SMURF1: variants seen among roughly 807,000 people sequenced by gnomAD.
The protein encoded by SMURF1 is SMAD specific E3 ubiquitin protein ligase 1.
SMURF1 carries 44 observed loss-of-function variants against 98.0 expected under a neutral mutation model. The ratio of observed to expected loss-of-function variants is 0.45; its 90% CI spans 0.35 to 0.58. The LOEUF is 0.58. SMURF1 is among the 20% of genes least tolerant of loss of function. SMURF1 has a pLI of 0.00. For synonymous variants in SMURF1, 396 were observed against 374.9 expected (o/e 1.06, Z -0.65); for missense variants, 687 against 938.4 (o/e 0.73, Z 3.50).
chr7:99,114,071 T>C (rs1329374610), intron 1 of SMURF1, among the ~76,000 whole-genome samples: 1 of 152,046 alleles, frequency 6.6e-6, no homozygotes, highest in East Asian at 1.9e-4. Context: ...AATAACAAGA[T>C]AAAGTGGTGG....
chr7:99,035,916 G>T, intron 15 of SMURF1, 200 bp from the exon 16 acceptor site: 1 of 601,952 alleles, frequency 1.7e-6, no homozygotes. Context: ...TCCTCCAAAC[G>T]GGTCTCCAAC....
intron 1 of SMURF1, among the ~76,000 whole-genome samples, chr7:99,118,953 T>C (rs1226962794): frequency 2.7e-5 from 4 of 147,848 alleles, no homozygotes; most frequent in Non-Finnish European, 6.0e-5. Flanking sequence ...CTCAACCTTC[T>C]GGGCTCAAGC....
At chr7:99,108,815 C>A (rs1797258070) in intron 1 of SMURF1, among the ~76,000 whole-genome samples, 1 of 151,920 alleles carries the variant, frequency 6.6e-6, no homozygotes. Context: ...ACCTTCTGAG[C>A]ATAACAGAAT....
At chr7:99,051,107 T>C (rs1795742854) in intron 8 of SMURF1, 10 of 1,004,872 alleles carry the variant, frequency 1.0e-5, no homozygotes, top group African/African-American at 1.6e-5. Context: ...TCATAAGGAA[T>C]TGCTGTGTAA....
rs57831952 is a variant in SMURF1, at chr7:99,143,111, G to A, written c.55+615C>T. Among the ~76,000 whole-genome samples, 7 of 141,300 alleles carry A rather than the reference G, an allele frequency of 5.0e-5. No individual in the cohort carries two copies. The East Asian group carries it at 1.3e-3, about 27-fold the overall frequency. 92.7% of individuals were successfully genotyped at this position (141,300 alleles called of 152,430 possible). On this transcript the variant is annotated intron_variant, in intron 1 of 17. Transcript: ENST00000361368. Reference sequence around the variant, plus strand: ...GAGAAGCGAGGGAGCTGGACGCAGGGAGAAGCGAGGGGGCGGGGACAGAAA... The same window carrying A: ...GAGAAGCGAGGGAGCTGGACGCAGGAAGAAGCGAGGGGGCGGGGACAGAAA...
intron 15 of SMURF1, chr7:99,035,929 C>A (rs1274321957): frequency 3.4e-6 from 2 of 586,976 alleles, no homozygotes; most frequent in Admixed American, 3.0e-5. Context: ...TCTCCAACCC[C>A]AAGGACCGCG....
At position 99,043,777 on chromosome 7, in the gene SMURF1, G is replaced by C. The variant is rs1795473858; in HGVS notation, c.1257-1545C>G. ...TGACTGCATGTAGTTTGACTCTCTT[G>C]GAAGATGCAGATGAGAAAGAGAAAC... On this transcript the variant is annotated intron_variant, in intron 11 of 17. Transcript: ENST00000361368. 3.3e-5 allele frequency among the ~76,000 whole-genome samples: 5 copies of C among 152,166 alleles called. No homozygotes were observed. In the South Asian group the frequency reaches 1.0e-3, roughly 31 times the overall value.
chr7:99,124,567 G>A (rs1020107237), intron 1 of SMURF1, among the ~76,000 whole-genome samples: 1 of 152,008 alleles, frequency 6.6e-6, no homozygotes, highest in African/African-American at 2.4e-5. Flanking sequence ...TCCCTTCTGT[G>A]CACTTTAGGT....
Position 99,040,434 on chromosome 7 carries a change from C to T in SMURF1, c.1494G>A (p.Gln498=). The stretch of plus-strand genomic sequence containing the variant: ...GGTCCACAGATTCCAGATCTGAGAG[C>T]TGGATGGGCTTCCCCAGCAGCTGCT... ...FYKQLLGKPI[Q]LSDLESVDPE... is the part of the protein sequence containing the mutation. Residue 498 remains glutamine, a synonymous_variant, in exon 13 of 18, where the codon CAG becomes CAA. Coordinates refer to ENST00000361368, the MANE Select transcript of SMURF1 (RefSeq NM_181349.3). 1.3e-6 allele frequency: 2 copies of T among 1,593,660 alleles called. No individual in the cohort carries two copies. Among genetic ancestry groups the T allele is most frequent in the Non-Finnish European group, 1.7e-6 (2 of 1,169,948 alleles).
In SMURF1 at chr7:99,060,684, T is replaced by G. The variant is rs1796013321; in HGVS notation, c.118A>C (p.Ile40Leu). The G allele has an allele frequency of 3.1e-6, 5 of 1,613,660 alleles. No homozygotes were observed. Among genetic ancestry groups the G allele is most frequent in the Non-Finnish European group, 4.2e-6 (5 of 1,179,854 alleles). The stretch of plus-strand genomic sequence containing the variant: ...CACTGCCCAGACCCATCCACGACAA[T>G]CTTTGCAAAAGGGTCAGGGAGCCCT... ...FFRLPDPFAK[I>L]VVDGSGQCHS... The change falls in exon 3 of 18, where the codon ATT (isoleucine) becomes CTT (leucine). Residue 40 changes from isoleucine (I) to leucine (L), a missense_variant. Physicochemically the swap from Ile to Leu is conservative, Grantham distance 5. Transcript: ENST00000361368.
At chr7:99,071,214 C>A (rs1004973386) in intron 1 of SMURF1, among the ~76,000 whole-genome samples, 8 of 152,158 alleles carry the variant, frequency 5.3e-5, no homozygotes, top group African/African-American at 1.9e-4. Context: ...CATGTGCCAC[C>A]ATGCCCGGCT....
At chr7:99,076,181 A>G (rs952452919) in intron 1 of SMURF1, among the ~76,000 whole-genome samples, 19 of 152,232 alleles carry the variant, frequency 1.2e-4, no homozygotes, top group Non-Finnish European at 1.5e-5. Context: ...CTGGGATTAC[A>G]GGCGTGGGCC....
At chr7:99,075,022 T>C (rs1046467385) in intron 1 of SMURF1, among the ~76,000 whole-genome samples, 5 of 152,168 alleles carry the variant, frequency 3.3e-5, no homozygotes, top group African/African-American at 1.2e-4. Context: ...CCTACTAGAA[T>C]TGCTAAAATT....
At chr7:99,143,187 G>T (rs1457103820) in intron 1 of SMURF1, among the ~76,000 whole-genome samples, 1 of 136,280 alleles carries the variant, frequency 7.3e-6, no homozygotes, top group Non-Finnish European at 1.6e-5. Context: ...AGAGAGATGG[G>T]CGGGGTCAGG....
Position 99,103,931 on chromosome 7 carries a change from C to A in SMURF1, c.55+39795G>T, listed in dbSNP as rs1223733370. ...TTTTTGAGATGGAGTCTCAGTCTGT[C>A]ACCCAGGCTAGAATGCAGTGGTGCG... On this transcript the variant is annotated intron_variant, in intron 1 of 17. Coordinates refer to ENST00000361368, the MANE Select transcript of SMURF1 (RefSeq NM_181349.3). 2.7e-5 allele frequency among the ~76,000 whole-genome samples: 4 copies of A among 149,394 alleles called. No homozygotes were observed. In the East Asian group the frequency reaches 7.9e-4, roughly 29 times the overall value.
At chr7:99,068,835 T>C (rs1796257373) in intron 1 of SMURF1, among the ~76,000 whole-genome samples, 1 of 151,322 alleles carries the variant, frequency 6.6e-6, no homozygotes, top group South Asian at 2.1e-4. Flanking sequence ...TTATTCTTGC[T>C]TCTTAACCCA....
intron 4 of SMURF1, 54 bp downstream of exon 4, chr7:99,057,363 GC>G: frequency 6.2e-7 from 1 of 1,611,242 alleles, no homozygotes; most frequent in Non-Finnish European, 8.5e-7. Flanking sequence ...AAAAAACGAT[GC>G]CTCCTAAGCT....
At chr7:99,063,267 A>AAGATT (rs1428345949) in intron 1 of SMURF1, among the ~76,000 whole-genome samples, 7 of 9,092 alleles carry the variant, frequency 7.7e-4, no homozygotes, top group Non-Finnish European at 2.2e-3. Flanking sequence ...ATATATATAT[A>AAGATT]TATATATATA....
At chr7:99,040,781 ACCT>A (rs1395841883) in intron 12 of SMURF1, among the ~76,000 whole-genome samples, 1 of 152,060 alleles carries the variant, frequency 6.6e-6, no homozygotes, top group African/African-American at 2.4e-5. Flanking sequence ...CAGGGCCAAC[ACCT>A]CCTCAGAAGG....
Sources: allele counts gnomAD v4.1 joint callset (sites outside exome capture counted in the v4.1 genomes callset), GRCh38; gene constraint gnomAD v4.1.1; transcripts MANE v1.5; gene names NCBI Gene and HGNC (gene_info 2026-07-23, HGNC 2026-07-21).